The following ATP13A5 variants were observed in gnomAD, a reference collection of about 807,000 sequenced individuals.
ATP13A5 encodes probable cation-transporting ATPase 13A5.
A neutral mutation model predicts 150.2 loss-of-function variants in ATP13A5; 149 were observed. The ratio of observed to expected loss-of-function variants is 0.99; its 90% CI spans 0.87 to 1.14. The LOEUF (loss-of-function observed/expected upper bound fraction) is 1.14. Ranked by LOEUF, ATP13A5 falls within the 50% of genes most tolerant of loss-of-function variation. The pLI is 0.00. For missense variants in ATP13A5, 1,383 were observed against 1,449.3 expected, an observed-to-expected ratio of 0.95 and a Z score of 0.74; for synonymous variants, 497 against 522.2, an observed-to-expected ratio of 0.95 and a Z score of 0.66.
chr3:193,319,552 T>C (rs1190711664), intron 16 of ATP13A5, among the ~76,000 whole-genome samples: 2 of 152,206 alleles, frequency 1.3e-5, no homozygotes, highest in Admixed American at 6.5e-5. Context: ...GGGAACCACG[T>C]TGGGCAACAC....
intron 28 of ATP13A5, among the ~76,000 whole-genome samples, chr3:193,277,221 C>G (rs2108812246): frequency 6.6e-6 from 1 of 152,302 alleles, no homozygotes; most frequent in East Asian, 1.9e-4. Flanking sequence ...AAAGCAAATT[C>G]TACCTGGAAT....
chr3:193,354,940 C>CTTTTTTTTTTTTTTT lies in ATP13A5; in HGVS notation c.537-745_537-744insAAAAAAAAAAAAAAA, dbSNP rs545467259. ...TCTAGTATGAATCACAACAATGTAACTTTTTTTTTGAGATGGAGTTTCACT... is the reference window on the plus strand; with the variant it reads ...TCTAGTATGAATCACAACAATGTAACTTTTTTTTTTTTTTTTTTTTTTTTGAGATGGAGTTTCACT... On this transcript the variant is annotated intron_variant, in intron 5 of 29. Coordinates refer to ENST00000342358, the MANE Select transcript of ATP13A5 (RefSeq NM_198505.4). Among the ~76,000 whole-genome samples, 811 of 127,768 alleles carry CTTTTTTTTTTTTTTT rather than the reference C, an allele frequency of 6.3e-3. 17 individuals carry two copies. Among genetic ancestry groups the CTTTTTTTTTTTTTTT allele is most frequent in the African/African-American group, 0.019 (628 of 33,470 alleles). 83.8% of individuals were successfully genotyped at this position (127,768 alleles called of 152,430 possible). A position where few individuals can be genotyped will look rare whatever the true frequency, so the allele number is the denominator to read the frequency against.
chr3:193,285,013 C>A lies in ATP13A5; in HGVS notation c.3127G>T (p.Glu1043Ter), dbSNP rs201771659. The change falls in exon 27 of 30, where the codon GAG (glutamate) becomes TAG (stop). Residue 1043 changes from glutamate (E) to a stop codon, truncating the protein, a stop_gained. Coordinates refer to ENST00000342358, the MANE Select transcript of ATP13A5 (RefSeq NM_198505.4). LOFTEE classifies it high-confidence loss of function. ...GTGATGGGCCACAGTGTGGTGGTCT[C>A]AAAACTTAAAATTGAACCAGGAATC... ...TLIPGSILSF[E>*]TTTLWPITTI... The A allele has an allele frequency of 3.2e-5, 51 of 1,614,018 alleles. No homozygotes were observed. The African/African-American group carries it at 5.7e-4, about 18-fold the overall frequency.
intron 2 of ATP13A5, 32 bp from the exon 3 acceptor site, chr3:193,363,414 C>G (rs1713117521): frequency 1.3e-6 from 2 of 1,599,730 alleles, no homozygotes; most frequent in Non-Finnish European, 8.5e-7. Flanking sequence ...ATGAAATTCT[C>G]AAGTGTTATT....
Position 193,275,327 on chromosome 3 carries a change from T to C in ATP13A5, c.3397-25A>G, listed in dbSNP as rs192963315. On this transcript the variant is annotated intron_variant, in intron 29 of 29. Transcript: ENST00000342358. ...CCTGAAAAATCAGATGGGAAAACAA[T>C]CAATTTATTGCGCAGGTCCCCCTGC... 377 of 1,608,664 alleles carry C rather than the reference T, an allele frequency of 2.3e-4. 3 individuals carry two copies. The African/African-American group carries it at 4.5e-3, about 19-fold the overall frequency.
At chr3:193,364,358 C>G in intron 1 of ATP13A5, 78 bp from the exon 2 acceptor site, 1 of 1,515,834 alleles carries the variant, frequency 6.6e-7, no homozygotes, top group South Asian at 1.3e-5. Flanking sequence ...ATAAACCAAA[C>G]TTGAGATGAA....
rs757366059 is a variant in ATP13A5 at position 193,305,545 on chromosome 3, A to T, written c.2678+14T>A. The T allele has an allele frequency of 6.2e-7, 1 of 1,605,790 alleles. No homozygotes were observed. The highest frequency in any genetic ancestry group is 1.1e-5 in the South Asian group (1 of 90,928). On this transcript the variant is annotated intron_variant, in intron 23 of 29. Transcript: ENST00000342358. ...CCATTGATTGTAGGGCTGGAAGAGGAAAAAATGACTTACCTGATGAGATGA... is the reference window on the plus strand; with the variant it reads ...CCATTGATTGTAGGGCTGGAAGAGGTAAAAATGACTTACCTGATGAGATGA...
intron 29 of ATP13A5, 57 bp from the exon 30 acceptor site, chr3:193,275,359 G>T: frequency 6.3e-7 from 1 of 1,582,098 alleles, no homozygotes; most frequent in Non-Finnish European, 8.6e-7. Flanking sequence ...CTGCAGCCAG[G>T]CCGCTGGCCA....
intron 26 of ATP13A5, among the ~76,000 whole-genome samples, chr3:193,287,510 C>T (rs1717769704): frequency 6.6e-6 from 1 of 152,098 alleles, no homozygotes; most frequent in Non-Finnish European, 1.5e-5. Flanking sequence ...AGAAATGGAA[C>T]AACAAAGCAT....
rs748554123 is a variant in ATP13A5 at position 193,368,932 on chromosome 3, TACTTG to T, written c.64-4657_64-4653del. ...AATAAAAAGAAAGACAAAACAAATG[TACTTG>T]ACTTTGTTAAAATTAAAAGCTTCTG... On this transcript the variant is annotated intron_variant, in intron 1 of 29. Coordinates refer to ENST00000342358, the MANE Select transcript of ATP13A5 (RefSeq NM_198505.4). Among the ~76,000 whole-genome samples, 12 of 152,304 alleles carry T rather than the reference TACTTG, an allele frequency of 7.9e-5. No homozygotes were observed. The East Asian group carries it at 1.7e-3, about 22-fold the overall frequency.
chr3:193,313,373 C>T (rs996554207), intron 19 of ATP13A5: 2 of 152,220 alleles, frequency 1.3e-5, no homozygotes, highest in Non-Finnish European at 2.9e-5. Flanking sequence ...TAATTCATCA[C>T]CTGTAGGGCC....
At chr3:193,348,127 G>A (rs1044723403) in intron 7 of ATP13A5, among the ~76,000 whole-genome samples, 5 of 152,112 alleles carry the variant, frequency 3.3e-5, no homozygotes, top group African/African-American at 4.8e-5. Flanking sequence ...CTGCAAACAC[G>A]GGTTTCTATG....
intron 9 of ATP13A5, among the ~76,000 whole-genome samples, chr3:193,336,802 G>T (rs1014017380): frequency 2.6e-5 from 4 of 152,196 alleles, no homozygotes; most frequent in African/African-American, 9.7e-5. Flanking sequence ...GATCCTTGAG[G>T]AATCGCCACA....
rs994000985 is a variant in ATP13A5, at chr3:193,327,851, A to G, written c.1462-794T>C. On this transcript the variant is annotated intron_variant, in intron 12 of 29. Coordinates refer to ENST00000342358, the MANE Select transcript of ATP13A5 (RefSeq NM_198505.4). ...AACACCCTGAGTAAGTGAGTTGGCT[A>G]CAGCTAGCTGCTTCAGCACTGCCAG... is the stretch of plus-strand genomic sequence containing the variant. 3.9e-5 allele frequency among the ~76,000 whole-genome samples: 6 copies of G among 152,336 alleles called. No homozygotes were observed. In the East Asian group the frequency reaches 1.2e-3, roughly 29 times the overall value.
At chr3:193,309,721 C>T (rs746727411) in intron 21 of ATP13A5, among the ~76,000 whole-genome samples, 11 of 152,150 alleles carry the variant, frequency 7.2e-5, no homozygotes, top group African/African-American at 1.7e-4. Flanking sequence ...TCACAAGGAA[C>T]TGAGGTTGGC....
At chr3:193,306,900 A>G (rs1389647584) in intron 22 of ATP13A5, among the ~76,000 whole-genome samples, 4 of 152,230 alleles carry the variant, frequency 2.6e-5, no homozygotes, top group Non-Finnish European at 5.9e-5. Context: ...AATAAATATA[A>G]TTTACATATA....
intron 25 of ATP13A5, among the ~76,000 whole-genome samples, chr3:193,295,293 G>C (rs1427502475): frequency 1.3e-5 from 2 of 151,942 alleles, no homozygotes; most frequent in Non-Finnish European, 2.9e-5. Context: ...TACTTGAAAT[G>C]CTCTTCTTTT....
At chr3:193,351,641 T>A (rs1465806589) in intron 6 of ATP13A5, among the ~76,000 whole-genome samples, 3 of 152,142 alleles carry the variant, frequency 2.0e-5, no homozygotes, top group African/African-American at 7.2e-5. Flanking sequence ...GCAATGAAAA[T>A]GAAAGATTCT....
At chr3:193,374,396 AT>A (rs1325897263) in intron 1 of ATP13A5, among the ~76,000 whole-genome samples, 1 of 151,764 alleles carries the variant, frequency 6.6e-6, no homozygotes, top group Non-Finnish European at 1.5e-5. Flanking sequence ...TAATCCCAGC[AT>A]TTTAGGAGTT....
Sources: gnomAD v4.1 joint callset for allele counts (sites outside exome capture counted in the v4.1 genomes callset) on GRCh38, gnomAD v4.1.1 for gene constraint, MANE v1.5 for transcripts, NCBI Gene and HGNC (gene_info 2026-07-23, HGNC 2026-07-21) for gene names.